CLDN14: variants seen among roughly 807,000 people sequenced by gnomAD.
CLDN14 encodes claudin-14.
In CLDN14, 2 loss-of-function variants were observed where a neutral mutation model predicts 2.1. The ratio of observed to expected loss-of-function variants is 0.96; its 90% CI spans 0.39 to 3.01. The LOEUF (loss-of-function observed/expected upper bound fraction) is 3.01, where lower values mean the gene tolerates loss of function less well. CLDN14 is among the 30% of genes most tolerant of loss of function. CLDN14 has a pLI of 0.09. For missense variants in CLDN14, 298 were observed against 328.0 expected (o/e 0.91, Z 0.71); for synonymous variants, 136 against 154.4 (o/e 0.88, Z 0.88).
At chr21:36,471,114 ATCTCAACAT>A (rs1279648140) in intron 1 of CLDN14, among the ~76,000 whole-genome samples, 1 of 152,180 alleles carries the variant, frequency 6.6e-6, no homozygotes, top group Non-Finnish European at 1.5e-5. Context: ...CACACCTGTA[ATCTCAACAT>A]TTGGAAGGCC....
chr21:36,550,115 A>G (rs565423214), intron 1 of CLDN14, among the ~76,000 whole-genome samples: 1 of 152,320 alleles, frequency 6.6e-6, no homozygotes, highest in East Asian at 1.9e-4. Flanking sequence ...TAGAATGGTG[A>G]CTACCCTGTA....
chr21:36,492,421 A>C (rs1259598725), intron 2 of CLDN14, among the ~76,000 whole-genome samples: 4 of 99,580 alleles, frequency 4.0e-5, no homozygotes, highest in African/African-American at 1.8e-4. Context: ...GGCCTGGGCG[A>C]CAGAGCGAGA....
chr21:36,467,114 G>C lies in CLDN14; in HGVS notation c.-81-5338C>G, dbSNP rs564852937. On this transcript the variant is annotated intron_variant, in intron 1 of 1. Coordinates refer to ENST00000399135, the MANE Select transcript of CLDN14 (RefSeq NM_001146079.2). ...CCCTTCCAACTGGCTCTGGTTTCAG[G>C]ATCACCAGCTCTGAAGGGAGGGGGT... Among the ~76,000 whole-genome samples, 46 of 152,330 alleles carry C rather than the reference G, an allele frequency of 3.0e-4. No individual in the cohort carries two copies. The South Asian group carries it at 9.1e-3, about 30-fold the overall frequency.
intron 2 of CLDN14, among the ~76,000 whole-genome samples, chr21:36,508,892 C>T (rs1207466608): frequency 6.6e-6 from 1 of 152,094 alleles, no homozygotes; most frequent in Non-Finnish European, 1.5e-5. Flanking sequence ...GGTTGGTAGG[C>T]GTCCTTAATT....
In CLDN14 at chr21:36,499,227, G is replaced by A. The variant is rs562558504; in HGVS notation, c.-82+11136C>T. Among the ~76,000 whole-genome samples, 1 of 152,290 alleles carries A rather than the reference G, an allele frequency of 6.6e-6. No individual in the cohort carries two copies. The highest frequency in any genetic ancestry group is 2.1e-4 in the South Asian group (1 of 4,822). On this transcript the variant is annotated intron_variant, in intron 2 of 2. Transcript: ENST00000342108. This position sits in a 1 kb window ranked among gnomAD's most constrained non-coding sequence, Gnocchi z 4.7. ...GACCTTCAGCACTTTGATGTGAATG[G>A]GGCCATTGCTTTCAGCTTTCTCCAA...
At chr21:36,495,254 G>A (rs1362383453) in intron 2 of CLDN14, among the ~76,000 whole-genome samples, 5 of 152,140 alleles carry the variant, frequency 3.3e-5, no homozygotes, top group Non-Finnish European at 5.9e-5. Flanking sequence ...GTTTGAACCC[G>A]GGAGGCGGAG....
chr21:36,567,060 T>A (rs906918880), intron 1 of CLDN14, among the ~76,000 whole-genome samples: 3 of 152,236 alleles, frequency 2.0e-5, no homozygotes, highest in African/African-American at 4.8e-5. Context: ...CCATCGTGAA[T>A]TGATCTGTGG....
At chr21:36,473,935 C>T (rs1207014854) in intron 1 of CLDN14, among the ~76,000 whole-genome samples, 1 of 152,208 alleles carries the variant, frequency 6.6e-6, no homozygotes, top group Non-Finnish European at 1.5e-5. Flanking sequence ...ATCAAGTCAT[C>T]TGAGCACTGA....
intron 1 of CLDN14, among the ~76,000 whole-genome samples, chr21:36,554,229 C>A (rs761967364): frequency 1.3e-5 from 2 of 152,198 alleles, no homozygotes; most frequent in Non-Finnish European, 2.9e-5. Flanking sequence ...CCCAACCCCC[C>A]CAGGCCCTGG....
chr21:36,567,177 GC>G, intron 1 of CLDN14, among the ~76,000 whole-genome samples: 1 of 152,228 alleles, frequency 6.6e-6, no homozygotes, highest in Admixed American at 6.5e-5. Context: ...AGCCTACCCT[GC>G]CTCACGTTGG....
At chr21:36,482,757 C>A (rs1291834194), upstream of CLDN14, among the ~76,000 whole-genome samples, 1 of 152,148 alleles carries the variant, frequency 6.6e-6, no homozygotes, top group Non-Finnish European at 1.5e-5. Flanking sequence ...TTGCTCTATT[C>A]ATCAACAGCA....
At chr21:36,563,210 G>A (rs1339646053) in intron 1 of CLDN14, among the ~76,000 whole-genome samples, 2 of 152,318 alleles carry the variant, frequency 1.3e-5, no homozygotes, top group African/African-American at 4.8e-5. Context: ...ATCACGGAGG[G>A]CTTTGAAGGG....
At chr21:36,505,743 G>C (rs951501406) in intron 2 of CLDN14, among the ~76,000 whole-genome samples, 2 of 152,216 alleles carry the variant, frequency 1.3e-5, no homozygotes, top group Non-Finnish European at 2.9e-5. Context: ...GATTGCCCAA[G>C]TCTGACATAT....
chr21:36,476,590 T>A (rs2086783014), intron 1 of CLDN14, among the ~76,000 whole-genome samples: 1 of 152,182 alleles, frequency 6.6e-6, no homozygotes, highest in Non-Finnish European at 1.5e-5. Context: ...GTAGCTGGGA[T>A]TACAGGCGCC....
intron 1 of CLDN14, among the ~76,000 whole-genome samples, chr21:36,542,393 A>C (rs937058751): frequency 2.6e-5 from 4 of 152,218 alleles, no homozygotes; most frequent in Admixed American, 2.0e-4. Flanking sequence ...TTTAGGTCAC[A>C]CTTAAGATAA....
At chr21:36,461,832 A>G in intron 1 of CLDN14, 56 bp from the exon 2 acceptor site, 1 of 1,195,066 alleles carries the variant, frequency 8.4e-7, no homozygotes, top group Non-Finnish European at 1.2e-6. Context: ...GTTAAAGATT[A>G]TCTCATGCAC....
intron 1 of CLDN14, among the ~76,000 whole-genome samples, chr21:36,549,991 C>G (rs1240077432): frequency 1.3e-5 from 2 of 152,240 alleles, no homozygotes; most frequent in African/African-American, 2.4e-5. Context: ...TGCACCTGCA[C>G]TGTCCCCTGC....
chr21:36,519,730 C>CAAAA (rs886303536), intron 1 of CLDN14, among the ~76,000 whole-genome samples: 8 of 108,280 alleles, frequency 7.4e-5, no homozygotes, highest in Non-Finnish European at 1.8e-4. Context: ...ACAACAACAA[C>CAAAA]AACAAAACCC....
chr21:36,524,159 C>T (rs2087303869), intron 1 of CLDN14, among the ~76,000 whole-genome samples: 1 of 151,968 alleles, frequency 6.6e-6, no homozygotes. Flanking sequence ...TGCTCTGTCG[C>T]CCAGGCTGGA....
Sources: gnomAD v4.1 joint callset for allele counts (sites outside exome capture counted in the v4.1 genomes callset) on GRCh38, gnomAD v4.1.1 for gene constraint, Gnocchi (gnomAD v3.1) non-coding constraint, MANE v1.5 for transcripts, NCBI Gene and HGNC (gene_info 2026-07-23, HGNC 2026-07-21) for gene names.